CCDC85C: variants seen among roughly 807,000 people sequenced by gnomAD.
The protein encoded by CCDC85C is coiled-coil domain-containing protein 85C.
CCDC85C carries 18 observed loss-of-function variants against 38.3 expected under a neutral mutation model. The ratio of observed to expected loss-of-function variants is 0.47; its 90% CI spans 0.33 to 0.70. The LOEUF (loss-of-function observed/expected upper bound fraction) is 0.70, where lower values mean the gene tolerates loss of function less well. Ranked by LOEUF, CCDC85C falls within the 30% of genes least tolerant of loss-of-function variation. The pLI, the probability that CCDC85C is intolerant of heterozygous loss-of-function variation, is 0.03. For synonymous variants in CCDC85C, 264 were observed against 293.8 expected (o/e 0.90, Z 1.04); for missense variants, 566 against 621.2 (o/e 0.91, Z 0.94).
At chr14:99,570,979 C>T (rs1420978975) in intron 1 of CCDC85C, among the ~76,000 whole-genome samples, 1 of 152,136 alleles carries the variant, frequency 6.6e-6, no homozygotes, top group Admixed American at 6.5e-5. Flanking sequence ...TTCTCCAACT[C>T]ACAGCCAGCA....
At chr14:99,543,086 A>G (rs1004289671) in intron 1 of CCDC85C, among the ~76,000 whole-genome samples, 1 of 152,212 alleles carries the variant, frequency 6.6e-6, no homozygotes, top group African/African-American at 2.4e-5. Context: ...ATTTCATCAC[A>G]GTCCAGGCTA....
At chr14:99,568,881 G>A (rs999233249) in intron 1 of CCDC85C, among the ~76,000 whole-genome samples, 4 of 152,248 alleles carry the variant, frequency 2.6e-5, no homozygotes, top group East Asian at 3.9e-4. Context: ...AAAGGGAACC[G>A]TGATGAGGGG....
At chr14:99,574,589 A>C (rs529383526) in intron 1 of CCDC85C, among the ~76,000 whole-genome samples, 8 of 152,288 alleles carry the variant, frequency 5.3e-5, no homozygotes, top group Non-Finnish European at 1.0e-4. Context: ...GAGGGGAGGC[A>C]GGGTGGCCTG....
chr14:99,585,420 C>T (rs1566782805), intron 1 of CCDC85C, among the ~76,000 whole-genome samples: 1 of 152,266 alleles, frequency 6.6e-6, no homozygotes, highest in Admixed American at 6.5e-5. Context: ...CCCGCTCTGC[C>T]GCTTCCTCCA....
rs1429753233 is a variant in CCDC85C, at chr14:99,516,299, G to A, written c.1072-13C>T. 6.5e-7 allele frequency: 1 copy of A among 1,545,260 alleles called. No individual in the cohort carries two copies. Among genetic ancestry groups the A allele is most frequent in the Non-Finnish European group, 8.8e-7 (1 of 1,141,958 alleles). Reference sequence around the variant, plus strand: ...GTACCTCCAGGACCTGAAGGGAACGGGTCTCGGGGTCAGGGGCAGAGGCCA... The same window carrying A: ...GTACCTCCAGGACCTGAAGGGAACGAGTCTCGGGGTCAGGGGCAGAGGCCA... On this transcript the variant is annotated splice_polypyrimidine_tract_variant and intron_variant, in intron 4 of 5. Coordinates refer to ENST00000380243, the MANE Select transcript of CCDC85C (RefSeq NM_001144995.2). This position sits in a 1 kb window ranked among gnomAD's most constrained non-coding sequence, Gnocchi z 5.5.
At chr14:99,582,409 C>T (rs1182811579) in intron 1 of CCDC85C, among the ~76,000 whole-genome samples, 1 of 152,146 alleles carries the variant, frequency 6.6e-6, no homozygotes, top group East Asian at 1.9e-4. Flanking sequence ...AGGAATATCA[C>T]GTGGCAAAAT....
chr14:99,546,618 G>A (rs1897812939), intron 1 of CCDC85C, among the ~76,000 whole-genome samples: 2 of 152,132 alleles, frequency 1.3e-5, no homozygotes, highest in Admixed American at 6.5e-5. Flanking sequence ...AGGGCGATGG[G>A]AGTTCAGAGA....
intron 1 of CCDC85C, among the ~76,000 whole-genome samples, chr14:99,582,598 C>T (rs1156744337): frequency 6.6e-6 from 1 of 152,094 alleles, no homozygotes; most frequent in African/African-American, 2.4e-5. Flanking sequence ...GGTGGATCAC[C>T]TGAGGTCAGG....
rs575944570 is a variant in CCDC85C at position 99,533,316 on chromosome 14, C to T, written c.867+2699G>A. ...TGCAGAGTCCATGCTGAGAAAGCAGCTAGGGATGGGCCCTGGGTGCCCTCC... is the reference window on the plus strand; with the variant it reads ...TGCAGAGTCCATGCTGAGAAAGCAGTTAGGGATGGGCCCTGGGTGCCCTCC... On this transcript the variant is annotated intron_variant, in intron 2 of 5. Transcript: ENST00000380243. This position sits in a 1 kb window ranked among gnomAD's most constrained non-coding sequence, Gnocchi z 4.2. Among the ~76,000 whole-genome samples, 1 of 152,344 alleles carries T rather than the reference C, an allele frequency of 6.6e-6. No homozygotes were observed. The highest frequency in any genetic ancestry group is 2.1e-4 in the South Asian group (1 of 4,818).
At chr14:99,542,364 G>A (rs1001677253) in intron 1 of CCDC85C, among the ~76,000 whole-genome samples, 4 of 152,182 alleles carry the variant, frequency 2.6e-5, no homozygotes, top group African/African-American at 7.2e-5. Context: ...CACCAACTGC[G>A]GGGAGCTCCA....
At position 99,588,354 on chromosome 14, in the gene CCDC85C, TCTC is replaced by T. The variant is rs937722862; in HGVS notation, c.793+14810_793+14812del. ...GGCCAGTCCTGTGCACAAACCACCTTCTCCTCACCCCAGGCCCCGCCGGGTGCT... is the reference window on the plus strand; with the variant it reads ...GGCCAGTCCTGTGCACAAACCACCTTCTCACCCCAGGCCCCGCCGGGTGCT... On this transcript the variant is annotated intron_variant, in intron 1 of 5. Transcript: ENST00000380243. This position sits in a 1 kb window ranked among gnomAD's most constrained non-coding sequence, Gnocchi z 5.0. 1.3e-5 allele frequency among the ~76,000 whole-genome samples: 2 copies of T among 151,792 alleles called. No individual in the cohort carries two copies. The highest frequency in any genetic ancestry group is 4.8e-5 in the African/African-American group (2 of 41,312).
chr14:99,596,851 T>A (rs1423095763), intron 1 of CCDC85C, among the ~76,000 whole-genome samples: 2 of 152,122 alleles, frequency 1.3e-5, no homozygotes, highest in Non-Finnish European at 2.9e-5. Flanking sequence ...GATGTAGGGA[T>A]GGGAGTAGCG....
In CCDC85C at chr14:99,603,755, C is replaced by T; in HGVS notation, c.205G>A (p.Gly69Ser). ...RLQQHLLEIR[G>S]LKDVNQRLQD... The stretch of plus-strand genomic sequence containing the variant: ...AGCCGCTGGTTCACGTCCTTGAGGC[C>T]GCGGATCTCCAGCAGGTGCTGCTGC... Residue 69 changes from glycine (G) to serine (S), a missense_variant, in exon 1 of 6, where the codon GGC becomes AGC. By Grantham distance (56) the Gly-to-Ser change is moderately conservative. This residue lies in a region of CCDC85C where 269 missense variants were observed against 308.2 expected (regional missense o/e 0.87). Transcript: ENST00000380243. The surrounding 1 kb of genome is among the most constrained non-coding windows in gnomAD (Gnocchi z 7.5). 6.6e-7 allele frequency: 1 copy of T among 1,524,230 alleles called. No homozygotes were observed. The highest frequency in any genetic ancestry group is 8.8e-7 in the Non-Finnish European group (1 of 1,141,780). The allele number at this position is 1,524,230 out of a possible 1,614,324, so 94.4% of individuals were successfully genotyped here. A position where few individuals can be genotyped will look rare whatever the true frequency, so the allele number is the denominator to read the frequency against.
chr14:99,591,026 C>A (rs2055079838), intron 1 of CCDC85C, among the ~76,000 whole-genome samples: 1 of 152,230 alleles, frequency 6.6e-6, no homozygotes, highest in Admixed American at 6.5e-5. Flanking sequence ...CAGCCGCTGC[C>A]AAGGGAAGAC....
At chr14:99,525,551 T>C (rs1482628313) in intron 2 of CCDC85C, among the ~76,000 whole-genome samples, 1 of 152,236 alleles carries the variant, frequency 6.6e-6, no homozygotes, top group African/African-American at 2.4e-5. Context: ...AGAGAGCTTT[T>C]GGGCCCTCAA....
At position 99,502,331 on chromosome 14, in the gene CCDC85C, T is replaced by C; in HGVS notation, c.*12915A>G. 6.2e-7 allele frequency: 1 copy of C among 1,613,686 alleles called. No individual in the cohort carries two copies. Among genetic ancestry groups the C allele is most frequent in the Non-Finnish European group, 8.5e-7 (1 of 1,179,810 alleles). The stretch of plus-strand genomic sequence containing the variant: ...GACCTCCAAACCCATGTATAGGAGA[T>C]GGTGGGAGCAGTTTGTTCAAGATGT... On this transcript the variant is annotated 3_prime_UTR_variant, in exon 6 of 6. Transcript: ENST00000380243.
chr14:99,602,413 T>C (rs2055209222), intron 1 of CCDC85C, among the ~76,000 whole-genome samples: 1 of 152,216 alleles, frequency 6.6e-6, no homozygotes, highest in Non-Finnish European at 1.5e-5. Context: ...CAACAGTTTA[T>C]AAATCCCTTC....
In CCDC85C at chr14:99,533,025, G is replaced by A. The variant is rs1027790297; in HGVS notation, c.867+2990C>T. On this transcript the variant is annotated intron_variant, in intron 2 of 5. Transcript: ENST00000380243. This position sits in a 1 kb window ranked among gnomAD's most constrained non-coding sequence, Gnocchi z 4.2. ...TCAAATTCCTGACCTCAAGTGATCC[G>A]CCCACCTCAGCCTCCCAAAGTGCTG... Among the ~76,000 whole-genome samples, 8 of 152,070 alleles carry A rather than the reference G, an allele frequency of 5.3e-5. No individual in the cohort carries two copies. The highest frequency in any genetic ancestry group is 1.7e-4 in the African/African-American group (7 of 41,476).
intron 3 of CCDC85C, among the ~76,000 whole-genome samples, chr14:99,519,099 C>CTTTTTTTTTTT (rs59524541): frequency 1.9e-5 from 1 of 52,218 alleles, no homozygotes; most frequent in African/African-American, 8.3e-5. Flanking sequence ...TCATACATGC[C>CTTTTTTTTTTT]TTTTTTTTTT....
Sources: allele counts gnomAD v4.1 joint callset (sites outside exome capture counted in the v4.1 genomes callset), GRCh38; gene constraint gnomAD v4.1.1; regional missense constraint gnomAD v4.1.1; non-coding constraint Gnocchi (gnomAD v3.1); transcripts MANE v1.5; gene names NCBI Gene and HGNC (gene_info 2026-07-23, HGNC 2026-07-21).